TMEM132C: variants seen among roughly 807,000 people sequenced by gnomAD.
TMEM132C encodes protein phosphatase 1, regulatory subunit 152.
In TMEM132C, 29 loss-of-function variants were observed where a neutral mutation model predicts 61.4. The ratio of observed to expected loss-of-function variants is 0.47; its 90% CI spans 0.35 to 0.64. The LOEUF is 0.64. TMEM132C is among the 30% of genes least tolerant of loss of function. TMEM132C has a pLI of 0.00. For missense variants in TMEM132C, 1,408 were observed against 1,476.9 expected, an observed-to-expected ratio of 0.95 and a Z score of 0.76; for synonymous variants, 656 against 633.1, an observed-to-expected ratio of 1.04 and a Z score of -0.54.
At chr12:128,352,660 A>C (rs1242393854) in intron 1 of TMEM132C, among the ~76,000 whole-genome samples, 1 of 152,234 alleles carries the variant, frequency 6.6e-6, no homozygotes, top group East Asian at 1.9e-4. Context: ...TGATGGACGC[A>C]ATCACCTTTC....
chr12:128,606,219 G>A (rs1201123835), intron 3 of TMEM132C, among the ~76,000 whole-genome samples: 1 of 152,216 alleles, frequency 6.6e-6, no homozygotes, highest in Non-Finnish European at 1.5e-5. Context: ...GGTATGTGAG[G>A]CCCATGCAGG....
chr12:128,455,070 A>T (rs899031677), intron 2 of TMEM132C, among the ~76,000 whole-genome samples: 1 of 152,236 alleles, frequency 6.6e-6, no homozygotes, highest in Non-Finnish European at 1.5e-5. Flanking sequence ...AGTTGAGGCC[A>T]TATAACTAAG....
At chr12:128,664,302 G>A (rs888985468) in intron 4 of TMEM132C, among the ~76,000 whole-genome samples, 1 of 148,156 alleles carries the variant, frequency 6.7e-6, no homozygotes, top group Non-Finnish European at 1.5e-5. Context: ...CTAGAAAATG[G>A]CCAAACTAAT....
chr12:128,662,686 C>T (rs1311481424), intron 4 of TMEM132C, among the ~76,000 whole-genome samples: 6 of 152,176 alleles, frequency 3.9e-5, no homozygotes, highest in Admixed American at 2.6e-4. Flanking sequence ...TTTGGGGTAG[C>T]GGTGAGAATA....
chr12:128,350,901 A>AG (rs1259108645), intron 1 of TMEM132C, among the ~76,000 whole-genome samples: 1 of 152,152 alleles, frequency 6.6e-6, no homozygotes, highest in Non-Finnish European at 1.5e-5. Context: ...CCTTAAAGGT[A>AG]GGGGCATTGC....
intron 1 of TMEM132C, among the ~76,000 whole-genome samples, chr12:128,311,568 G>A (rs867945926): frequency 5.3e-5 from 8 of 152,210 alleles, no homozygotes; most frequent in Admixed American, 1.3e-4. Flanking sequence ...TGTTGATCAA[G>A]TCCATTAGAT....
At chr12:128,471,788 TG>T (rs1870961934) in intron 2 of TMEM132C, among the ~76,000 whole-genome samples, 2 of 152,208 alleles carry the variant, frequency 1.3e-5, no homozygotes, top group Non-Finnish European at 2.9e-5. Context: ...GAAGATTGAA[TG>T]AATTGCTATC....
At chr12:128,421,085 T>A (rs1868971422) in intron 2 of TMEM132C, among the ~76,000 whole-genome samples, 1 of 152,086 alleles carries the variant, frequency 6.6e-6, no homozygotes, top group Non-Finnish European at 1.5e-5. Flanking sequence ...GGGATTTTAG[T>A]GCACCTGTCA....
At chr12:128,530,569 G>A (rs897510724) in intron 2 of TMEM132C, among the ~76,000 whole-genome samples, 13 of 151,998 alleles carry the variant, frequency 8.6e-5, no homozygotes, top group South Asian at 4.2e-4. Flanking sequence ...TCAGCCTCCC[G>A]AGTAGCTGGG....
At position 128,281,297 on chromosome 12, in the gene TMEM132C, T is replaced by A. The variant is rs181023885; in HGVS notation, c.85+13810T>A. Among the ~76,000 whole-genome samples, 5 of 152,190 alleles carry A rather than the reference T, an allele frequency of 3.3e-5. No individual in the cohort carries two copies. In the East Asian group the frequency reaches 9.7e-4, roughly 29 times the overall value. On this transcript the variant is annotated intron_variant, in intron 1 of 8. Coordinates refer to ENST00000435159, the MANE Select transcript of TMEM132C (RefSeq NM_001136103.3). ...CCAGTTGGAAGAGAGAAAGATGAGA[T>A]CTAAAACAGGTTTGTTTCAACAAGT... is the stretch of plus-strand genomic sequence containing the variant.
intron 2 of TMEM132C, among the ~76,000 whole-genome samples, chr12:128,463,909 G>C (rs531876143): frequency 5.9e-5 from 9 of 152,262 alleles, no homozygotes; most frequent in Non-Finnish European, 1.2e-4. Context: ...CTCCAGCCAC[G>C]GGCCCACCTT....
At chr12:128,596,944 GT>G (rs1382700669) in intron 3 of TMEM132C, among the ~76,000 whole-genome samples, 3 of 152,238 alleles carry the variant, frequency 2.0e-5, no homozygotes, top group African/African-American at 7.2e-5. Flanking sequence ...CAGCTCATCT[GT>G]TTTCTGTTAA....
intron 1 of TMEM132C, among the ~76,000 whole-genome samples, chr12:128,337,527 C>T (rs2135950685): frequency 6.6e-6 from 1 of 152,316 alleles, no homozygotes; most frequent in East Asian, 1.9e-4. Context: ...TTTGAAGTCA[C>T]TTTCTGACTT....
chr12:128,378,919 A>T (rs1786053783), intron 1 of TMEM132C, among the ~76,000 whole-genome samples: 1 of 152,324 alleles, frequency 6.6e-6, no homozygotes, highest in East Asian at 1.9e-4. Context: ...TGATGATTTT[A>T]TAAGGAGCTT....
intron 1 of TMEM132C, among the ~76,000 whole-genome samples, chr12:128,294,690 C>T (rs982236380): frequency 3.9e-5 from 6 of 152,130 alleles, no homozygotes; most frequent in African/African-American, 9.7e-5. Flanking sequence ...GACAGGGCTT[C>T]TCCCTATGTC....
chr12:128,371,536 T>TTTG (rs936335367), intron 1 of TMEM132C, among the ~76,000 whole-genome samples: 1 of 152,162 alleles, frequency 6.6e-6, no homozygotes, highest in African/African-American at 2.4e-5. Flanking sequence ...AAGTCATCTT[T>TTTG]TTGTTGTTGT....
chr12:128,306,016 G>T (rs1871762970), intron 1 of TMEM132C, among the ~76,000 whole-genome samples: 1 of 152,108 alleles, frequency 6.6e-6, no homozygotes, highest in South Asian at 2.1e-4. Context: ...TGCAGTTAAT[G>T]AAGTCAGTCT....
At chr12:128,544,279 A>G (rs1873871137) in intron 3 of TMEM132C, among the ~76,000 whole-genome samples, 176 bp downstream of exon 3, 1 of 152,236 alleles carries the variant, frequency 6.6e-6, no homozygotes, top group South Asian at 2.1e-4. Context: ...CCTCTGCAGC[A>G]GGGCGGGGTG....
chr12:128,281,668 T>C (rs537168276), intron 1 of TMEM132C, among the ~76,000 whole-genome samples: 1 of 152,318 alleles, frequency 6.6e-6, no homozygotes, highest in African/African-American at 2.4e-5. Context: ...GGCTGACTAG[T>C]GGGGACATGG....
Sources: allele counts gnomAD v4.1 joint callset (sites outside exome capture counted in the v4.1 genomes callset), GRCh38; gene constraint gnomAD v4.1.1; transcripts MANE v1.5; gene names NCBI Gene and HGNC (gene_info 2026-07-23, HGNC 2026-07-21).